NDUFAF2: variants seen among roughly 807,000 people sequenced by gnomAD.
The protein encoded by NDUFAF2 is NADH dehydrogenase [ubiquinone] 1 alpha subcomplex assembly factor 2.
NDUFAF2 carries 13 observed loss-of-function variants against 22.8 expected under a neutral mutation model. The ratio of observed to expected loss-of-function variants is 0.57; its 90% CI spans 0.37 to 0.91. The LOEUF (loss-of-function observed/expected upper bound fraction) is 0.91, where lower values mean the gene tolerates loss of function less well. NDUFAF2 is among the 40% of genes least tolerant of loss of function. The pLI, the probability that NDUFAF2 is intolerant of heterozygous loss-of-function variation, is 0.01. For missense variants in NDUFAF2, 162 were observed against 195.2 expected (o/e 0.83, Z 1.01); for synonymous variants, 53 against 64.2 (o/e 0.83, Z 0.84).
At chr5:60,977,724 C>T (rs1171644204) in intron 1 of NDUFAF2, among the ~76,000 whole-genome samples, 1 of 151,736 alleles carries the variant, frequency 6.6e-6, no homozygotes, top group Admixed American at 6.6e-5. Context: ...GTAATCCCAG[C>T]TACTGGGGAG....
intron 1 of NDUFAF2, among the ~76,000 whole-genome samples, chr5:60,957,655 GA>G (rs1357413434): frequency 1.3e-5 from 2 of 152,166 alleles, no homozygotes; most frequent in African/African-American, 2.4e-5. Flanking sequence ...AGACCCCAGT[GA>G]ATATTACAGG....
chr5:60,946,597 T>C (rs1750460363), intron 1 of NDUFAF2, among the ~76,000 whole-genome samples: 1 of 152,236 alleles, frequency 6.6e-6, no homozygotes, highest in East Asian at 1.9e-4. Context: ...GATGTTTCTT[T>C]TCCATAAGTT....
intron 2 of NDUFAF2, among the ~76,000 whole-genome samples, chr5:61,075,270 G>T (rs911088468): frequency 6.6e-6 from 1 of 152,064 alleles, no homozygotes; most frequent in African/African-American, 2.4e-5. Context: ...TTTTATGCCA[G>T]CATGTGAATG....
chr5:61,000,438 G>A (rs540749437), intron 1 of NDUFAF2, among the ~76,000 whole-genome samples: 88 of 152,214 alleles, frequency 5.8e-4, no homozygotes, highest in African/African-American at 2.0e-3. Flanking sequence ...TCTGTGTTAA[G>A]AAATGCTTTA....
At chr5:60,995,187 A>C (rs975969128) in intron 1 of NDUFAF2, among the ~76,000 whole-genome samples, 2 of 152,172 alleles carry the variant, frequency 1.3e-5, no homozygotes, top group African/African-American at 2.4e-5. Context: ...ATAGTTACCT[A>C]GTGCCTCATT....
chr5:61,049,118 A>T (rs1186261206), intron 1 of NDUFAF2, among the ~76,000 whole-genome samples: 2 of 152,240 alleles, frequency 1.3e-5, no homozygotes, highest in South Asian at 4.2e-4. Context: ...TTAAGGATCA[A>T]TTATATCCTT....
intron 3 of NDUFAF2, among the ~76,000 whole-genome samples, chr5:61,142,364 G>A (rs950460993): frequency 1.3e-5 from 2 of 152,212 alleles, no homozygotes; most frequent in African/African-American, 4.8e-5. Context: ...TCTGGCTCAG[G>A]TTCAAAGAAA....
At chr5:61,035,169 C>T (rs1431464737) in intron 1 of NDUFAF2, among the ~76,000 whole-genome samples, 7 of 151,466 alleles carry the variant, frequency 4.6e-5, no homozygotes, top group African/African-American at 1.7e-4. Context: ...CGGGCTCAAG[C>T]GATTCTTTCA....
intron 2 of NDUFAF2, among the ~76,000 whole-genome samples, chr5:61,092,645 C>T (rs1561562613): frequency 6.6e-6 from 1 of 152,128 alleles, no homozygotes; most frequent in Non-Finnish European, 1.5e-5. Context: ...AGGATCATGT[C>T]ATCTGCAAAC....
intron 1 of NDUFAF2, among the ~76,000 whole-genome samples, chr5:61,021,698 T>C (rs1310252018): frequency 6.6e-6 from 1 of 152,246 alleles, no homozygotes; most frequent in African/African-American, 2.4e-5. Context: ...TATTTATGTG[T>C]TTAACAGTAT....
chr5:60,999,479 G>A (rs1025009711), intron 1 of NDUFAF2, among the ~76,000 whole-genome samples: 4 of 152,000 alleles, frequency 2.6e-5, no homozygotes, highest in Middle Eastern at 3.2e-3. Flanking sequence ...AAAAGGGGAC[G>A]TATTGTATGA....
At chr5:61,124,483 C>T (rs1459460172) in intron 3 of NDUFAF2, among the ~76,000 whole-genome samples, 1 of 151,932 alleles carries the variant, frequency 6.6e-6, no homozygotes, top group Non-Finnish European at 1.5e-5. Context: ...TTTATTATAA[C>T]TTATAAATCT....
At chr5:61,118,509 C>G (rs893312546) in intron 3 of NDUFAF2, among the ~76,000 whole-genome samples, 3 of 152,150 alleles carry the variant, frequency 2.0e-5, no homozygotes, top group Non-Finnish European at 4.4e-5. Context: ...CAGACTTTTT[C>G]TGACAGATAG....
At chr5:61,136,047 G>A (rs1247411763) in intron 3 of NDUFAF2, among the ~76,000 whole-genome samples, 1 of 79,444 alleles carries the variant, frequency 1.3e-5, no homozygotes, top group Non-Finnish European at 2.6e-5. Context: ...ATATATCTAG[G>A]GTGGATTGCT....
intron 1 of NDUFAF2, among the ~76,000 whole-genome samples, chr5:60,976,133 G>T (rs1012616119): frequency 1.3e-5 from 2 of 151,634 alleles, no homozygotes; most frequent in African/African-American, 4.9e-5. Context: ...TAGTTATAAG[G>T]GTCTACTATA....
At chr5:60,972,130 A>T (rs1450665703) in intron 1 of NDUFAF2, among the ~76,000 whole-genome samples, 4 of 151,346 alleles carry the variant, frequency 2.6e-5, no homozygotes, top group African/African-American at 9.7e-5. Flanking sequence ...TTTAGTAGAG[A>T]TGGGGTTTCA....
intron 1 of NDUFAF2, among the ~76,000 whole-genome samples, chr5:61,005,435 T>G (rs1282343318): frequency 6.6e-6 from 1 of 152,190 alleles, no homozygotes; most frequent in East Asian, 1.9e-4. Flanking sequence ...TGATTTACAG[T>G]CCTTTGGGTT....
At chr5:61,091,912 T>C (rs1752572986) in intron 2 of NDUFAF2, among the ~76,000 whole-genome samples, 1 of 152,220 alleles carries the variant, frequency 6.6e-6, no homozygotes, top group African/African-American at 2.4e-5. Context: ...TTTCTGCATA[T>C]GGCTAGCCAG....
At chr5:61,125,038 G>A (rs1753018629) in intron 3 of NDUFAF2, among the ~76,000 whole-genome samples, 1 of 151,904 alleles carries the variant, frequency 6.6e-6, no homozygotes, top group Non-Finnish European at 1.5e-5. Flanking sequence ...ACAATCATGA[G>A]AACAGCATGG....
Sources: allele counts gnomAD v4.1 joint callset (sites outside exome capture counted in the v4.1 genomes callset), GRCh38; gene constraint gnomAD v4.1.1; transcripts MANE v1.5; gene names NCBI Gene and HGNC (gene_info 2026-07-23, HGNC 2026-07-21).